The following VTI1A variants were observed in gnomAD, a reference collection of about 807,000 sequenced individuals.
VTI1A encodes the protein vesicle transport through interaction with t-SNAREs homolog 1A.
A neutral mutation model predicts 34.9 loss-of-function variants in VTI1A; 22 were observed. The ratio of observed to expected loss-of-function variants is 0.63; its 90% CI spans 0.45 to 0.90. The LOEUF is 0.90. Ranked by LOEUF, VTI1A falls within the 40% of genes least tolerant of loss-of-function variation. The probability of loss-of-function intolerance (pLI) is 0.00; values close to 1 mark genes in which losing one functional copy is unlikely to be tolerated. For missense variants in VTI1A, 268 were observed against 275.6 expected (o/e 0.97, Z 0.20); for synonymous variants, 87 against 97.3 (o/e 0.89, Z 0.62).
At chr10:112,677,007 T>G (rs1246479426) in intron 7 of VTI1A, among the ~76,000 whole-genome samples, 1 of 152,210 alleles carries the variant, frequency 6.6e-6, no homozygotes, top group Non-Finnish European at 1.5e-5. Flanking sequence ...AGCGATTTTT[T>G]CATTCGAATG....
chr10:112,775,967 T>C (rs772316930), intron 7 of VTI1A, among the ~76,000 whole-genome samples: 1 of 152,250 alleles, frequency 6.6e-6, no homozygotes, highest in Non-Finnish European at 1.5e-5. Context: ...TCAGTGCAGC[T>C]TTCTCTGTCT....
At chr10:112,820,977 G>A (rs996376607), downstream of VTI1A, among the ~76,000 whole-genome samples, 123 of 152,246 alleles carry the variant, frequency 8.1e-4, no homozygotes, top group African/African-American at 2.8e-3. Context: ...AAGACAGGGT[G>A]CATCTCTCCA....
intron 3 of VTI1A, among the ~76,000 whole-genome samples, chr10:112,523,328 A>T (rs1850098037): frequency 6.6e-6 from 1 of 152,092 alleles, no homozygotes; most frequent in African/African-American, 2.4e-5. Flanking sequence ...CTTGAATCCG[A>T]AATTCTCGCA....
chr10:112,629,705 G>A (rs569467729), intron 5 of VTI1A, among the ~76,000 whole-genome samples: 1 of 152,342 alleles, frequency 6.6e-6, no homozygotes, highest in South Asian at 2.1e-4. Flanking sequence ...CTCAAAAGTG[G>A]CTTAAGCAGT....
chr10:112,498,559 G>T (rs1216831805), intron 3 of VTI1A, among the ~76,000 whole-genome samples: 1 of 151,908 alleles, frequency 6.6e-6, no homozygotes, highest in Non-Finnish European at 1.5e-5. Flanking sequence ...TATAAAATGT[G>T]CTGTGACTAT....
At chr10:112,554,938 G>A (rs1225343774) in intron 5 of VTI1A, among the ~76,000 whole-genome samples, 1 of 152,082 alleles carries the variant, frequency 6.6e-6, no homozygotes, top group African/African-American at 2.4e-5. Flanking sequence ...TGGTCCCAAC[G>A]TTCATGTGGT....
the VTI1A span, among the ~76,000 whole-genome samples, chr10:112,837,515 A>G: frequency 1.3e-5 from 2 of 152,118 alleles, no homozygotes; most frequent in Non-Finnish European, 1.5e-5. Flanking sequence ...TGACATGAAG[A>G]CAGCCCTACC....
At chr10:112,447,029 TTCCC>T, upstream of VTI1A, 1 of 285,704 alleles carries the variant, frequency 3.5e-6, no homozygotes, top group South Asian at 6.6e-5. Context: ...CCGGAGCCGA[TTCCC>T]AGAACACGAA....
chr10:112,673,090 G>C (rs1395134436), intron 7 of VTI1A, among the ~76,000 whole-genome samples: 2 of 152,126 alleles, frequency 1.3e-5, no homozygotes, highest in African/African-American at 2.4e-5. Flanking sequence ...ACCGAGGCAG[G>C]CAGATCACTT....
At chr10:112,747,382 C>T (rs977241467) in intron 7 of VTI1A, among the ~76,000 whole-genome samples, 6 of 152,222 alleles carry the variant, frequency 3.9e-5, no homozygotes, top group Non-Finnish European at 5.9e-5. Flanking sequence ...GTCTACTACA[C>T]ACCTAGGCTG....
rs1161717624 is a variant in VTI1A, at chr10:112,624,198, C to G, written c.428-44020C>G. 2.0e-5 allele frequency among the ~76,000 whole-genome samples: 3 copies of G among 152,264 alleles called. No individual in the cohort carries two copies. In the East Asian group the frequency reaches 5.8e-4, roughly 29 times the overall value. ...TAGAGGCATCCCATTTCTTTCATTT[C>G]CTTTCTTTCCATCATCAGCAATACT... is the stretch of plus-strand genomic sequence containing the variant. On this transcript the variant is annotated intron_variant, in intron 5 of 7. Transcript: ENST00000393077.
At chr10:112,542,487 G>A (rs73365054) in intron 5 of VTI1A, among the ~76,000 whole-genome samples, 6,397 of 152,096 alleles carry the variant, frequency 0.042, 470 homozygotes, top group African/African-American at 0.14. Context: ...AGGCCACCTC[G>A]CCCTGACTTC....
intron 1 of VTI1A, among the ~76,000 whole-genome samples, chr10:112,459,236 C>A (rs183981774): frequency 5.9e-4 from 89 of 151,924 alleles, no homozygotes; most frequent in African/African-American, 1.4e-3. Context: ...CTAACTATAT[C>A]TCTCTCTCTC....
intron 3 of VTI1A, among the ~76,000 whole-genome samples, chr10:112,521,708 C>T (rs1230204681): frequency 3.9e-5 from 6 of 152,038 alleles, no homozygotes; most frequent in Non-Finnish European, 8.8e-5. Flanking sequence ...AGGGATCAAA[C>T]ATATATCTAA....
chr10:112,481,549 A>G (rs1042780662), intron 3 of VTI1A, among the ~76,000 whole-genome samples: 1 of 152,166 alleles, frequency 6.6e-6, no homozygotes, highest in South Asian at 2.1e-4. Context: ...AGTCTTGTAT[A>G]TGTATGTTGT....
chr10:112,524,441 A>G (rs560215816), intron 3 of VTI1A, among the ~76,000 whole-genome samples: 4 of 152,274 alleles, frequency 2.6e-5, no homozygotes, highest in African/African-American at 4.8e-5. Context: ...TACACTCAGC[A>G]TATCATTTAC....
chr10:112,717,825 A>C (rs1417507582), intron 7 of VTI1A, among the ~76,000 whole-genome samples: 1 of 152,214 alleles, frequency 6.6e-6, no homozygotes, highest in Non-Finnish European at 1.5e-5. Context: ...CAGGTTGACG[A>C]AGACCAGTGG....
chr10:112,840,196 C>T, the VTI1A span, among the ~76,000 whole-genome samples: 2 of 152,142 alleles, frequency 1.3e-5, no homozygotes, highest in East Asian at 3.9e-4. Context: ...AAACAATAAC[C>T]CCTGCCACAA....
At chr10:112,798,164 C>T (rs548674123) in intron 7 of VTI1A, among the ~76,000 whole-genome samples, 1 of 152,278 alleles carries the variant, frequency 6.6e-6, no homozygotes, top group East Asian at 1.9e-4. Context: ...TGAACCAAAG[C>T]AATGCTGTGC....
Sources: gnomAD v4.1 joint callset for allele counts (sites outside exome capture counted in the v4.1 genomes callset) on GRCh38, gnomAD v4.1.1 for gene constraint, MANE v1.5 for transcripts, NCBI Gene and HGNC (gene_info 2026-07-23, HGNC 2026-07-21) for gene names.